FCHO2: variants seen among roughly 807,000 people sequenced by gnomAD.
FCHO2 encodes the protein F-BAR domain only protein 2.
A neutral mutation model predicts 114.1 loss-of-function variants in FCHO2; 43 were observed. The observed-to-expected ratio is 0.38, with a 90% CI of 0.30 to 0.49. The LOEUF (loss-of-function observed/expected upper bound fraction) is 0.49. FCHO2 is among the 20% of genes least tolerant of loss of function. The probability of loss-of-function intolerance (pLI) is 0.97; values close to 1 mark genes in which losing one functional copy is unlikely to be tolerated. For missense variants in FCHO2, 807 were observed against 950.4 expected (o/e 0.85, Z 1.98); for synonymous variants, 293 against 315.2 (o/e 0.93, Z 0.75).
At chr5:72,958,424 A>G (rs1751673876) in intron 1 of FCHO2, among the ~76,000 whole-genome samples, 1 of 152,146 alleles carries the variant, frequency 6.6e-6, no homozygotes, top group Non-Finnish European at 1.5e-5. Context: ...TCCCAGTACC[A>G]TTTGTTGAAA....
At chr5:73,005,114 A>G (rs1196881582) in intron 5 of FCHO2, among the ~76,000 whole-genome samples, 2 of 152,182 alleles carry the variant, frequency 1.3e-5, no homozygotes, top group African/African-American at 4.8e-5. Context: ...GAAGGCAGGA[A>G]AGTACATAAC....
At chr5:72,956,246 C>T in intron 1 of FCHO2, 117 bp downstream of exon 1, 1 of 1,358,252 alleles carries the variant, frequency 7.4e-7, no homozygotes, top group Non-Finnish European at 9.9e-7. Flanking sequence ...CGAGCGTCCT[C>T]CTGCCGCGTC....
intron 9 of FCHO2, among the ~76,000 whole-genome samples, chr5:73,035,610 C>T (rs1389741226): frequency 1.3e-5 from 2 of 151,972 alleles, no homozygotes; most frequent in Non-Finnish European, 2.9e-5. Context: ...CCAAGCGATC[C>T]TTGCACCTCA....
At chr5:73,055,954 C>A in intron 15 of FCHO2, 111 bp from the exon 16 acceptor site, 1 of 697,828 alleles carries the variant, frequency 1.4e-6, no homozygotes, top group South Asian at 2.1e-5. Context: ...TTATCAATTC[C>A]AAAATTTTTA....
intron 8 of FCHO2, among the ~76,000 whole-genome samples, chr5:73,022,373 T>G (rs1755673088): frequency 6.6e-6 from 1 of 152,174 alleles, no homozygotes; most frequent in African/African-American, 2.4e-5. Flanking sequence ...TTATTTTGAT[T>G]TGCCATTTTT....
At chr5:72,986,603 T>G (rs1164477382) in intron 2 of FCHO2, among the ~76,000 whole-genome samples, 1 of 152,224 alleles carries the variant, frequency 6.6e-6, no homozygotes. Flanking sequence ...TTACCATGTT[T>G]TCTAAATTTT....
intron 2 of FCHO2, among the ~76,000 whole-genome samples, chr5:72,973,317 G>A (rs1285203942): frequency 6.6e-6 from 1 of 152,194 alleles, no homozygotes; most frequent in African/African-American, 2.4e-5. Flanking sequence ...ATTTGGCTGT[G>A]AATCCATCTG....
chr5:73,034,580 A>G, intron 8 of FCHO2, 77 bp from the exon 9 acceptor site: 2 of 1,140,004 alleles, frequency 1.8e-6, no homozygotes, highest in South Asian at 3.0e-5. Context: ...TAAAAAATTT[A>G]AAATGTAAAA....
chr5:73,016,190 T>C (rs1755297877), intron 7 of FCHO2, among the ~76,000 whole-genome samples: 2 of 152,092 alleles, frequency 1.3e-5, no homozygotes, highest in Non-Finnish European at 1.5e-5. Flanking sequence ...GGCTCATACC[T>C]GTAATCTCAG....
At chr5:73,069,883 A>T (rs1742552483) in intron 19 of FCHO2, among the ~76,000 whole-genome samples, 1 of 152,122 alleles carries the variant, frequency 6.6e-6, no homozygotes, top group South Asian at 2.1e-4. Context: ...GCACAAAGCC[A>T]CTTAGACAAA....
chr5:73,035,404 G>A (rs1235883856), intron 9 of FCHO2, among the ~76,000 whole-genome samples: 1 of 152,230 alleles, frequency 6.6e-6, no homozygotes, highest in Non-Finnish European at 1.5e-5. Context: ...GGGCGACAGA[G>A]TGAGACCCTG....
intron 5 of FCHO2, among the ~76,000 whole-genome samples, chr5:73,004,594 T>A (rs1343185836): frequency 6.6e-6 from 1 of 152,144 alleles, no homozygotes; most frequent in Non-Finnish European, 1.5e-5. Context: ...CAGACCCTAT[T>A]CCAAGCATTT....
chr5:73,007,155 T>C (rs1385698871), intron 6 of FCHO2, among the ~76,000 whole-genome samples: 2 of 152,196 alleles, frequency 1.3e-5, no homozygotes, highest in East Asian at 1.9e-4. Context: ...TATTCCTGTA[T>C]CATTCAGGTC....
chr5:73,070,951 G>A (rs1394268557), intron 19 of FCHO2, among the ~76,000 whole-genome samples: 1 of 152,000 alleles, frequency 6.6e-6, no homozygotes, highest in Non-Finnish European at 1.5e-5. Flanking sequence ...ACGTCACCAG[G>A]TATTGTATCA....
At chr5:72,974,501 T>G (rs1034622752) in intron 2 of FCHO2, among the ~76,000 whole-genome samples, 1 of 150,894 alleles carries the variant, frequency 6.6e-6, no homozygotes, top group Non-Finnish European at 1.5e-5. Context: ...TTAAAGTCTG[T>G]TTTATCAGAG....
chr5:73,078,217 T>C lies in FCHO2; in HGVS notation c.1885T>C (p.Trp629Arg), dbSNP rs1316597492. ...SQCDSNTKDF[W>R]MNMQAVTVYL... Reference sequence around the variant, plus strand: ...ATGTGATTCCAACACAAAAGATTTTTGGATGAACATGCAAGCTGTTACAGT... The same window carrying C: ...ATGTGATTCCAACACAAAAGATTTTCGGATGAACATGCAAGCTGTTACAGT... The change falls in exon 22 of 26, where the codon TGG (tryptophan) becomes CGG (arginine). Residue 629 changes from tryptophan to arginine, a missense_variant. Physicochemically the swap from Trp to Arg is moderately radical, Grantham distance 101 (BLOSUM62 -3). Transcript: ENST00000430046. 1 of 1,578,834 alleles carries C rather than the reference T, an allele frequency of 6.3e-7. No homozygotes were observed. Among genetic ancestry groups the C allele is most frequent in the Non-Finnish European group, 8.6e-7 (1 of 1,162,588 alleles).
intron 5 of FCHO2, chr5:72,996,850 G>A (rs1405587109): frequency 2.2e-5 from 24 of 1,076,806 alleles, no homozygotes; most frequent in Non-Finnish European, 3.3e-5. Context: ...CGGGGGGCTG[G>A]CGGAGCTGTG....
intron 16 of FCHO2, among the ~76,000 whole-genome samples, chr5:73,058,156 A>T (rs1423088914): frequency 4.0e-5 from 6 of 151,876 alleles, no homozygotes; most frequent in Non-Finnish European, 8.8e-5. Context: ...ACAGGCATGC[A>T]CCACCAAGCC....
intron 5 of FCHO2, 132 bp downstream of exon 5, chr5:72,990,996 AT>A: frequency 1.0e-6 from 1 of 972,870 alleles, no homozygotes; most frequent in Non-Finnish European, 1.5e-6. Flanking sequence ...AGTCCTAGTG[AT>A]TACCCAAGTA....
Sources: allele counts gnomAD v4.1 joint callset (sites outside exome capture counted in the v4.1 genomes callset), GRCh38; gene constraint gnomAD v4.1.1; transcripts MANE v1.5; gene names NCBI Gene and HGNC (gene_info 2026-07-23, HGNC 2026-07-21).